Variants in FRMD5 observed in about 807,000 individuals in gnomAD.
FRMD5 encodes the protein FERM domain-containing protein 5.
A neutral mutation model predicts 69.0 loss-of-function variants in FRMD5; 20 were observed. The observed-to-expected ratio is 0.29, with a 90% CI of 0.20 to 0.42. The LOEUF is 0.42. Ranked by LOEUF, FRMD5 falls within the 10% of genes least tolerant of loss-of-function variation. The pLI is 1.00. For missense variants in FRMD5, 595 were observed against 708.6 expected, an observed-to-expected ratio of 0.84 and a Z score of 1.82; for synonymous variants, 271 against 260.1, an observed-to-expected ratio of 1.04 and a Z score of -0.40.
At chr15:44,180,849 T>C (rs1304402505) in intron 1 of FRMD5, among the ~76,000 whole-genome samples, 1 of 152,180 alleles carries the variant, frequency 6.6e-6, no homozygotes, top group Admixed American at 6.5e-5. Flanking sequence ...TTTATTAGAT[T>C]ATAATTGATA....
chr15:44,198,185 G>T (rs554044611), upstream of FRMD5, among the ~76,000 whole-genome samples: 1 of 151,896 alleles, frequency 6.6e-6, no homozygotes. Context: ...TTAGCTGGGT[G>T]TGGTGGCACA....
chr15:44,110,872 A>G (rs1215942426), intron 1 of FRMD5, among the ~76,000 whole-genome samples: 1 of 152,194 alleles, frequency 6.6e-6, no homozygotes, highest in African/African-American at 2.4e-5. Context: ...AATCTTTGAA[A>G]AGTGCTTGCC....
chr15:44,006,882 A>G (rs1890475785), intron 1 of FRMD5, among the ~76,000 whole-genome samples: 1 of 152,250 alleles, frequency 6.6e-6, no homozygotes. Flanking sequence ...CCATAAACTT[A>G]GTTGATAAAG....
At chr15:44,159,163 GTGGTGTTTGTTACACAAATCTCTAT>G (rs1164233864) in intron 1 of FRMD5, among the ~76,000 whole-genome samples, 1 of 152,174 alleles carries the variant, frequency 6.6e-6, no homozygotes, top group Non-Finnish European at 1.5e-5. Flanking sequence ...GAAATAGAGA[GTGGTGTTTGTTACACAAATCTCTAT>G]TGGTGTACCT....
At position 43,952,646 on chromosome 15, in the gene FRMD5, T is replaced by C. The variant is rs555520450; in HGVS notation, c.103-28337A>G. Among the ~76,000 whole-genome samples, 7 of 152,248 alleles carry C rather than the reference T, an allele frequency of 4.6e-5. No homozygotes were observed. The South Asian group carries it at 1.5e-3, about 32-fold the overall frequency. ...TTTCTTGAGATTTCCCAAGAAAACA[T>C]ATGAAAAGAAAGCGAGCCTGCAGCT... is the stretch of plus-strand genomic sequence containing the variant. On this transcript the variant is annotated intron_variant, in intron 1 of 13. Transcript: ENST00000417257.
chr15:43,883,053 C>T (rs2088573744), intron 13 of FRMD5, among the ~76,000 whole-genome samples: 1 of 152,114 alleles, frequency 6.6e-6, no homozygotes, highest in Admixed American at 6.5e-5. Context: ...AATTGAACCT[C>T]CCAAAGTGTT....
At chr15:43,899,457 G>A (rs767332837) in intron 7 of FRMD5, among the ~76,000 whole-genome samples, 4 of 152,168 alleles carry the variant, frequency 2.6e-5, no homozygotes, top group Admixed American at 6.5e-5. Flanking sequence ...GTAGTGACTT[G>A]AGTTCAAATT....
chr15:44,147,305 T>C (rs1186589693), intron 1 of FRMD5, among the ~76,000 whole-genome samples: 1 of 152,172 alleles, frequency 6.6e-6, no homozygotes, highest in Non-Finnish European at 1.5e-5. Context: ...TTGTGGATGA[T>C]GTGCAGTCTT....
intron 1 of FRMD5, among the ~76,000 whole-genome samples, chr15:44,150,345 G>A (rs2077423459): frequency 6.6e-6 from 1 of 150,498 alleles, no homozygotes; most frequent in Non-Finnish European, 1.5e-5. Context: ...ATAGAAGTTA[G>A]AAAGGAAGAT....
At chr15:44,034,773 G>C (rs891849313) in intron 1 of FRMD5, among the ~76,000 whole-genome samples, 8 of 151,430 alleles carry the variant, frequency 5.3e-5, no homozygotes, top group East Asian at 4.4e-4. Context: ...TGGGAGCTGA[G>C]GGGGGAAGAG....
chr15:44,144,300 TG>T (rs2077321526), intron 1 of FRMD5, among the ~76,000 whole-genome samples: 1 of 152,192 alleles, frequency 6.6e-6, no homozygotes, highest in South Asian at 2.1e-4. Context: ...AAAAGGAACT[TG>T]TAAGTAAATA....
intron 1 of FRMD5, among the ~76,000 whole-genome samples, chr15:44,130,611 T>A (rs1457495966): frequency 2.0e-5 from 3 of 152,226 alleles, no homozygotes; most frequent in Non-Finnish European, 4.4e-5. Flanking sequence ...TAAGAATTTG[T>A]ATGCTTAGCA....
rs777601017 is a variant in FRMD5, at chr15:43,891,967, A to G, written c.728+14T>C. ...GAGATATAAAGAGCCTATTTTGGAA[A>G]TGAAGATGCTCACCATTTAATGAAG... On this transcript the variant is annotated intron_variant, in intron 8 of 13. Coordinates refer to ENST00000417257, the MANE Select transcript of FRMD5 (RefSeq NM_032892.5). 6.2e-7 allele frequency: 1 copy of G among 1,611,030 alleles called. No homozygotes were observed. The highest frequency in any genetic ancestry group is 1.3e-5 in the African/African-American group (1 of 74,848).
At chr15:44,023,175 G>A (rs1375348895) in intron 1 of FRMD5, among the ~76,000 whole-genome samples, 1 of 152,130 alleles carries the variant, frequency 6.6e-6, no homozygotes, top group Non-Finnish European at 1.5e-5. Flanking sequence ...GTCTACAAGA[G>A]ACGTTCTTGC....
chr15:44,112,207 T>G (rs2076807096), intron 1 of FRMD5, among the ~76,000 whole-genome samples: 1 of 152,150 alleles, frequency 6.6e-6, no homozygotes, highest in African/African-American at 2.4e-5. Flanking sequence ...TATCTTATTT[T>G]TGTATTTTAA....
chr15:43,964,352 A>G (rs566579195), intron 1 of FRMD5, among the ~76,000 whole-genome samples: 1 of 152,002 alleles, frequency 6.6e-6, no homozygotes, highest in Non-Finnish European at 1.5e-5. Flanking sequence ...TCAAGCATGA[A>G]AACAACATAG....
chr15:44,035,719 CCTGA>C (rs774548172), intron 1 of FRMD5, among the ~76,000 whole-genome samples: 2 of 152,096 alleles, frequency 1.3e-5, no homozygotes, highest in Non-Finnish European at 2.9e-5. Flanking sequence ...GAGGTTGGTA[CCTGA>C]CTATTTTTTC....
chr15:44,194,862 G>T, intron 1 of FRMD5, 91 bp downstream of exon 1: 1 of 1,075,756 alleles, frequency 9.3e-7, no homozygotes, highest in Non-Finnish European at 1.4e-6. Context: ...GGGCTGGGGC[G>T]ACCCCTGGGC....
chr15:43,975,401 C>T (rs2090447915), intron 1 of FRMD5, among the ~76,000 whole-genome samples: 1 of 152,138 alleles, frequency 6.6e-6, no homozygotes, highest in South Asian at 2.1e-4. Flanking sequence ...ACCATAAGAT[C>T]ACCCAGCAGA....
Sources: gnomAD v4.1 joint callset for allele counts (sites outside exome capture counted in the v4.1 genomes callset) on GRCh38, gnomAD v4.1.1 for gene constraint, MANE v1.5 for transcripts, NCBI Gene and HGNC (gene_info 2026-07-23, HGNC 2026-07-21) for gene names.